Variants in CNTN5 observed in about 807,000 individuals in gnomAD.
CNTN5 encodes contactin-5.
Under a neutral mutation model 129.1 loss-of-function variants are expected in CNTN5, and 77 were observed. The observed-to-expected ratio is 0.60, with a 90% confidence interval of 0.50 to 0.72. The LOEUF (loss-of-function observed/expected upper bound fraction) is 0.72. Among genes scored for constraint, CNTN5 ranks in the 30% least tolerant of loss-of-function variants. The probability of loss-of-function intolerance (pLI) is 0.00; values close to 1 mark genes in which losing one functional copy is unlikely to be tolerated. For missense variants in CNTN5, 1,478 were observed against 1,328.8 expected, an observed-to-expected ratio of 1.11 and a Z score of -1.75; for synonymous variants, 509 against 465.6, an observed-to-expected ratio of 1.09 and a Z score of -1.20.
intron 3 of CNTN5, among the ~76,000 whole-genome samples, chr11:99,752,727 C>T (rs1352149785): frequency 1.3e-5 from 2 of 152,190 alleles, no homozygotes; most frequent in East Asian, 3.9e-4. Flanking sequence ...CAAACACAGG[C>T]CCCATGGTAT....
chr11:100,329,461 A>G (rs1951858044), intron 21 of CNTN5, among the ~76,000 whole-genome samples: 2 of 152,224 alleles, frequency 1.3e-5, no homozygotes, highest in African/African-American at 4.8e-5. Flanking sequence ...CATCCTCCCT[A>G]TAGGACTGCA....
chr11:99,058,314 TAAAC>T, intron 1 of CNTN5, among the ~76,000 whole-genome samples: 1 of 151,982 alleles, frequency 6.6e-6, no homozygotes, highest in South Asian at 2.1e-4. Flanking sequence ...GGTGGTAAAA[TAAAC>T]AAGTCTGACA....
intron 2 of CNTN5, among the ~76,000 whole-genome samples, chr11:99,524,752 G>C (rs1407833796): frequency 6.6e-6 from 1 of 151,468 alleles, no homozygotes; most frequent in Non-Finnish European, 1.5e-5. Context: ...GCAGTGAGTT[G>C]AGATCATGCC....
In CNTN5 at chr11:100,125,741, C is replaced by T. The variant is rs561773292; in HGVS notation, c.1580+51447C>T. Reference sequence around the variant, plus strand: ...TAGTGGTCTATCAATTTTGCTTATCCTTTCAAATAACCAACTTTTGGTTTT... The same window carrying T: ...TAGTGGTCTATCAATTTTGCTTATCTTTTCAAATAACCAACTTTTGGTTTT... On this transcript the variant is annotated intron_variant, in intron 13 of 24. Coordinates refer to ENST00000524871, the MANE Select transcript of CNTN5 (RefSeq NM_014361.4). 6.5e-4 allele frequency among the ~76,000 whole-genome samples: 99 copies of T among 152,128 alleles called. 2 individuals are homozygous for T. The South Asian group carries it at 0.014, about 22-fold the overall frequency.
intron 3 of CNTN5, among the ~76,000 whole-genome samples, chr11:99,599,117 G>A (rs1410379336): frequency 1.3e-5 from 2 of 151,346 alleles, no homozygotes; most frequent in Non-Finnish European, 2.9e-5. Context: ...GTGAAATATT[G>A]TATCCTCATA....
At chr11:100,024,670 A>G (rs981194108) in intron 9 of CNTN5, among the ~76,000 whole-genome samples, 2 of 152,196 alleles carry the variant, frequency 1.3e-5, no homozygotes, top group South Asian at 4.1e-4. Context: ...TGACTGGAAT[A>G]AAGGTGATGC....
At chr11:100,148,126 T>TACTC (rs1591315195) in intron 13 of CNTN5, among the ~76,000 whole-genome samples, 1 of 152,186 alleles carries the variant, frequency 6.6e-6, no homozygotes, top group South Asian at 2.1e-4. Context: ...CTTATCCATA[T>TACTC]ACTCATAATT....
chr11:99,188,620 T>C (rs1858474716), intron 1 of CNTN5, among the ~76,000 whole-genome samples: 1 of 151,818 alleles, frequency 6.6e-6, no homozygotes, highest in Non-Finnish European at 1.5e-5. Flanking sequence ...TTAATATTTT[T>C]ATTTCTTTTT....
chr11:99,961,393 G>A (rs1400396860), intron 8 of CNTN5, among the ~76,000 whole-genome samples: 1 of 151,856 alleles, frequency 6.6e-6, no homozygotes, highest in African/African-American at 2.4e-5. Flanking sequence ...AGGAGAGGAA[G>A]AGCATCACCA....
At chr11:99,125,085 G>A (rs1343943920) in intron 1 of CNTN5, among the ~76,000 whole-genome samples, 2 of 152,056 alleles carry the variant, frequency 1.3e-5, no homozygotes, top group South Asian at 2.1e-4. Context: ...AAAAAATTGA[G>A]GAGGAAGGAC....
Position 99,699,707 on chromosome 11 carries a change from C to T in CNTN5, c.56-119837C>T, listed in dbSNP as rs542019708. The stretch of plus-strand genomic sequence containing the variant: ...CTAACCATTGTTAGATCATGGGATG[C>T]ATTTGAAGAGCTTTAAACACCTCAC... On this transcript the variant is annotated intron_variant, in intron 3 of 24. Transcript: ENST00000524871. 1.5e-4 allele frequency among the ~76,000 whole-genome samples: 22 copies of T among 151,562 alleles called. No individual in the cohort carries two copies. In the South Asian group the frequency reaches 4.4e-3, roughly 30 times the overall value.
At chr11:99,130,775 C>T (rs954649698) in intron 1 of CNTN5, among the ~76,000 whole-genome samples, 2 of 152,108 alleles carry the variant, frequency 1.3e-5, no homozygotes, top group African/African-American at 4.8e-5. Flanking sequence ...CAGACCACAG[C>T]ACAATCAAAT....
intron 6 of CNTN5, among the ~76,000 whole-genome samples, chr11:99,878,046 C>T (rs1302178429): frequency 6.6e-6 from 1 of 152,174 alleles, no homozygotes; most frequent in Non-Finnish European, 1.5e-5. Flanking sequence ...TTCACACCAG[C>T]TATTTTCTGT....
At chr11:99,776,497 C>T (rs922339294) in intron 3 of CNTN5, among the ~76,000 whole-genome samples, 1 of 151,714 alleles carries the variant, frequency 6.6e-6, no homozygotes, top group Non-Finnish European at 1.5e-5. Flanking sequence ...TAATGACTTA[C>T]ATAACTCATA....
intron 7 of CNTN5, among the ~76,000 whole-genome samples, chr11:99,927,966 T>C (rs1950101742): frequency 6.6e-6 from 1 of 152,184 alleles, no homozygotes; most frequent in South Asian, 2.1e-4. Context: ...AGTTACTTCC[T>C]ACATACTATG....
chr11:99,868,108 C>G (rs1010481336), intron 6 of CNTN5, among the ~76,000 whole-genome samples: 1 of 151,690 alleles, frequency 6.6e-6, no homozygotes, highest in Non-Finnish European at 1.5e-5. Context: ...CCCAGCTACT[C>G]GGGAAGATGA....
intron 8 of CNTN5, among the ~76,000 whole-genome samples, chr11:99,971,864 A>T (rs1951266650): frequency 6.6e-6 from 1 of 151,352 alleles, no homozygotes; most frequent in African/African-American, 2.4e-5. Flanking sequence ...AGATTTTAAA[A>T]GTCTGCATAA....
intron 4 of CNTN5, among the ~76,000 whole-genome samples, chr11:99,826,140 A>G (rs377022096): frequency 3.3e-5 from 5 of 152,074 alleles, no homozygotes; most frequent in African/African-American, 1.2e-4. Flanking sequence ...TATTCCTATT[A>G]TTGACTTTGG....
intron 1 of CNTN5, among the ~76,000 whole-genome samples, chr11:99,189,478 C>A (rs946205556): frequency 1.3e-5 from 2 of 151,494 alleles, no homozygotes; most frequent in Non-Finnish European, 3.0e-5. Context: ...TTTATATTGA[C>A]TGTTCTAATT....
Sources: allele counts gnomAD v4.1 joint callset (sites outside exome capture counted in the v4.1 genomes callset), GRCh38; gene constraint gnomAD v4.1.1; transcripts MANE v1.5; gene names NCBI Gene and HGNC (gene_info 2026-07-23, HGNC 2026-07-21).